Variants in BRWD1 observed in about 807,000 individuals in gnomAD.
The protein encoded by BRWD1 is bromodomain and WD repeat domain containing 1.
A neutral mutation model predicts 251.2 loss-of-function variants in BRWD1; 82 were observed. The ratio of observed to expected loss-of-function variants is 0.33; its 90% confidence interval spans 0.27 to 0.39. BRWD1 has a LOEUF of 0.39. Ranked by LOEUF, BRWD1 falls within the 10% of genes least tolerant of loss-of-function variation. The pLI, the probability that BRWD1 is intolerant of heterozygous loss-of-function variation, is 1.00. For missense variants in BRWD1, 2,233 were observed against 2,711.6 expected, an observed-to-expected ratio of 0.82 and a Z score of 3.92; for synonymous variants, 918 against 902.8, an observed-to-expected ratio of 1.02 and a Z score of -0.30.
chr21:39,301,898 A>G (rs2036125509), intron 4 of BRWD1, among the ~76,000 whole-genome samples: 1 of 151,536 alleles, frequency 6.6e-6, no homozygotes, highest in Admixed American at 6.6e-5. Flanking sequence ...GTGCCGAAAA[A>G]AAAAAAAAAA....
Position 39,187,445 on chromosome 21 carries a change from A to T in BRWD1, c.*8814T>A. 1 of 1,526,486 alleles carries T rather than the reference A, an allele frequency of 6.6e-7. No homozygotes were observed. The allele number at this position is 1,526,486 out of a possible 1,614,324, so 94.6% of individuals were successfully genotyped here. A position where few individuals can be genotyped will look rare whatever the true frequency, so the allele number is the denominator to read the frequency against. On this transcript the variant is annotated 3_prime_UTR_variant, in exon 41 of 41. Coordinates refer to ENST00000342449, the MANE Select transcript of BRWD1 (RefSeq NM_033656.4). ...GAAAAATGAGTGAAAGTTCATGTAA[A>T]TGCAAAAATCTTGTAACACAAGATT...
Position 39,195,289 on chromosome 21 carries a change from T to C in BRWD1, c.*970A>G. On this transcript the variant is annotated 3_prime_UTR_variant, in exon 41 of 41. Transcript: ENST00000342449. ...TTGTACTCTTAACAAAACTCACCTC[T>C]ACAATTGGAATACAGATGGGGGAAA... The C allele has an allele frequency of 9.9e-7, 1 of 1,005,656 alleles. No individual in the cohort carries two copies. The highest frequency in any genetic ancestry group is 1.2e-6 in the Non-Finnish European group (1 of 842,978). The allele number at this position is 1,005,656 out of a possible 1,614,324, so 62.3% of individuals were successfully genotyped here. A position where few individuals can be genotyped will look rare whatever the true frequency, so the allele number is the denominator to read the frequency against.
intron 19 of BRWD1, among the ~76,000 whole-genome samples, chr21:39,254,789 T>C (rs1377634962): frequency 3.3e-5 from 5 of 152,252 alleles, no homozygotes; most frequent in African/African-American, 9.6e-5. Context: ...TAAGCACTGA[T>C]AGCTGCTAAC....
rs1218904134 is a variant in BRWD1 at position 39,225,206 on chromosome 21, G to GA, written c.3209-10dup. On this transcript the variant is annotated splice_polypyrimidine_tract_variant and intron_variant, in intron 27 of 40. Transcript: ENST00000342449. ...AGAGCGGAATCTGTCACCTAGGAGA[G>GA]AAATGATCAAGTCTGAGGCATTTCT... 8 of 1,576,686 alleles carry GA rather than the reference G, an allele frequency of 5.1e-6. No individual in the cohort carries two copies. The highest frequency in any genetic ancestry group is 6.1e-6 in the Non-Finnish European group (7 of 1,146,694).
Position 39,190,791 on chromosome 21 carries a change from C to T in BRWD1, c.*5468G>A, listed in dbSNP as rs1479904794. Reference sequence around the variant, plus strand: ...CGTTTTCTAGGGGGAGCTGGTAACACTGCAGTATGGCAGCATCAGGTCAAA... The same window carrying T: ...CGTTTTCTAGGGGGAGCTGGTAACATTGCAGTATGGCAGCATCAGGTCAAA... On this transcript the variant is annotated 3_prime_UTR_variant, in exon 41 of 41. Transcript: ENST00000342449. 1 of 985,246 alleles carries T rather than the reference C, an allele frequency of 1.0e-6. No individual in the cohort carries two copies. The highest frequency in any genetic ancestry group is 1.1e-4 in the East Asian group (1 of 8,828). 61.0% of individuals were successfully genotyped at this position (985,246 alleles called of 1,614,324 possible).
Position 39,186,974 on chromosome 21 carries a change from TTTAC to T in BRWD1, c.*9281_*9284del, listed in dbSNP as rs1342598776. On this transcript the variant is annotated 3_prime_UTR_variant, in exon 41 of 41. Coordinates refer to ENST00000342449, the MANE Select transcript of BRWD1 (RefSeq NM_033656.4). ...GCTGGGAGCAGAATGTAACTGCCAG[TTTAC>T]TTGTGTACCAATTGTTTTCAGATGC... is the stretch of plus-strand genomic sequence containing the variant. 1.3e-6 allele frequency: 2 copies of T among 1,507,570 alleles called. No individual in the cohort carries two copies. The highest frequency in any genetic ancestry group is 1.4e-5 in the African/African-American group (1 of 71,184). The allele number at this position is 1,507,570 out of a possible 1,614,324, so 93.4% of individuals were successfully genotyped here.
chr21:39,187,513 A>G lies in BRWD1; in HGVS notation c.*8746T>C. 1 of 1,433,432 alleles carries G rather than the reference A, an allele frequency of 7.0e-7. No homozygotes were observed. The highest frequency in any genetic ancestry group is 9.1e-7 in the Non-Finnish European group (1 of 1,095,944). 88.8% of individuals were successfully genotyped at this position (1,433,432 alleles called of 1,614,324 possible). A position where few individuals can be genotyped will look rare whatever the true frequency, so the allele number is the denominator to read the frequency against. Reference sequence around the variant, plus strand: ...CCTCAACAACACTCATTCGGAAACAATAAATTTAAAAGTCATATTGCTAAA... The same window carrying G: ...CCTCAACAACACTCATTCGGAAACAGTAAATTTAAAAGTCATATTGCTAAA... On this transcript the variant is annotated 3_prime_UTR_variant, in exon 41 of 41. Coordinates refer to ENST00000342449, the MANE Select transcript of BRWD1 (RefSeq NM_033656.4).
At chr21:39,217,969 C>CT (rs1322141997) in intron 31 of BRWD1, among the ~76,000 whole-genome samples, 183 bp downstream of exon 31, 5 of 152,012 alleles carry the variant, frequency 3.3e-5, no homozygotes, top group African/African-American at 4.8e-5. Flanking sequence ...GGTAGTCAAT[C>CT]TTCTGCCTGG....
At chr21:39,222,163 C>T (rs2033204352) in intron 29 of BRWD1, among the ~76,000 whole-genome samples, 1 of 152,048 alleles carries the variant, frequency 6.6e-6, no homozygotes, top group Non-Finnish European at 1.5e-5. Flanking sequence ...AAAGGTTAAA[C>T]AGAGTTACCA....
intron 27 of BRWD1, among the ~76,000 whole-genome samples, chr21:39,227,009 A>T (rs967278044): frequency 6.6e-6 from 1 of 152,032 alleles, no homozygotes; most frequent in African/African-American, 2.4e-5. Flanking sequence ...CAGAATTTAC[A>T]TGTTTGTATG....
intron 31 of BRWD1, chr21:39,217,082 TA>T (rs1426197887): frequency 0.024 from 322 of 13,220 alleles, 1 homozygote; most frequent in East Asian, 0.069. Context: ...TATATATATA[TA>T]TTTTTTTTTT....
At chr21:39,241,452 A>C (rs1430398507) in intron 21 of BRWD1, among the ~76,000 whole-genome samples, 2 of 132,852 alleles carry the variant, frequency 1.5e-5, no homozygotes, top group Non-Finnish European at 3.1e-5. Flanking sequence ...TGGGCAACAG[A>C]GCAAGATTCC....
At chr21:39,301,718 T>C (rs1318515667) in intron 4 of BRWD1, among the ~76,000 whole-genome samples, 1 of 152,122 alleles carries the variant, frequency 6.6e-6, no homozygotes, top group Non-Finnish European at 1.5e-5. Context: ...TAATTTGTTA[T>C]ACAGCAATAG....
rs959553406 is a variant in BRWD1 at position 39,221,146 on chromosome 21, C to G, written c.3383-2486G>C. Among the ~76,000 whole-genome samples the G allele has an allele frequency of 2.5e-5, 3 of 120,078 alleles. No individual in the cohort carries two copies. The Admixed American group carries it at 2.6e-4, about 11-fold the overall frequency. 78.8% of individuals were successfully genotyped at this position (120,078 alleles called of 152,430 possible). ...CTCCAGCCTGGGCAACAAAGCAAAA[C>G]TACATCTTAAAAAAAAAAAAAAAAA... On this transcript the variant is annotated intron_variant, in intron 29 of 40. Transcript: ENST00000342449.
At chr21:39,296,416 A>T in intron 5 of BRWD1, 53 bp from the exon 6 acceptor site, 1 of 1,488,422 alleles carries the variant, frequency 6.7e-7, no homozygotes. Context: ...ACCCCAAGAA[A>T]GATTTTATAG....
intron 20 of BRWD1, among the ~76,000 whole-genome samples, chr21:39,248,662 A>C (rs370559328): frequency 0.083 from 11,815 of 142,060 alleles, 1,221 homozygotes; most frequent in Non-Finnish European, 0.12. Flanking sequence ...AAAAAAAAAA[A>C]AAAAAAAAAA....
chr21:39,278,919 G>A, intron 9 of BRWD1, 106 bp from the exon 10 acceptor site: 1 of 918,450 alleles, frequency 1.1e-6, no homozygotes, highest in Admixed American at 3.3e-5. Context: ...AATTTTTTAA[G>A]AGACAGGGTC....
chr21:39,300,462 G>A (rs773868385), intron 4 of BRWD1, among the ~76,000 whole-genome samples: 2 of 152,224 alleles, frequency 1.3e-5, no homozygotes, highest in South Asian at 2.1e-4. Flanking sequence ...GAAATTTCAT[G>A]AGGGCCAAAT....
downstream of BRWD1, chr21:39,184,598 A>C (rs575205597): frequency 1.3e-5 from 2 of 152,358 alleles, no homozygotes; most frequent in Admixed American, 1.3e-4. Flanking sequence ...TTGAGATAAA[A>C]TCTCAAAGCT....
Sources: allele counts gnomAD v4.1 joint callset (sites outside exome capture counted in the v4.1 genomes callset), GRCh38; gene constraint gnomAD v4.1.1; transcripts MANE v1.5; gene names NCBI Gene and HGNC (gene_info 2026-07-23, HGNC 2026-07-21).